The following PITPNM3 variants were observed in gnomAD, a reference collection of about 807,000 sequenced individuals.
PITPNM3 encodes PITPNM family member 3.
A neutral mutation model predicts 102.0 loss-of-function variants in PITPNM3; 26 were observed. The observed-to-expected ratio is 0.25, with a 90% confidence interval of 0.19 to 0.35. The LOEUF (loss-of-function observed/expected upper bound fraction) is 0.35, where lower values mean the gene tolerates loss of function less well. Among genes scored for constraint, PITPNM3 ranks in the 10% least tolerant of loss-of-function variants. The pLI, the probability that PITPNM3 is intolerant of heterozygous loss-of-function variation, is 1.00. For synonymous variants in PITPNM3, 578 were observed against 558.6 expected (o/e 1.03, Z -0.49); for missense variants, 1,083 against 1,346.1 (o/e 0.80, Z 3.06).
In PITPNM3 at chr17:6,517,290, GAGA is replaced by G. The variant is rs1448925059; in HGVS notation, c.226+8063_226+8065del. 6.6e-6 allele frequency among the ~76,000 whole-genome samples: 1 copy of G among 152,214 alleles called. No homozygotes were observed. The highest frequency in any genetic ancestry group is 1.5e-5 in the Non-Finnish European group (1 of 68,034). On this transcript the variant is annotated intron_variant, in intron 3 of 19. Coordinates refer to ENST00000262483, the MANE Select transcript of PITPNM3 (RefSeq NM_031220.4). This position sits in a 1 kb window ranked among gnomAD's most constrained non-coding sequence, Gnocchi z 4.1. The stretch of plus-strand genomic sequence containing the variant: ...TCAAAATACTTAACCCAAATAGAAT[GAGA>G]AGGAGGGGGAGGTGGCGGAGGAGTT...
chr17:6,475,668 A>C (rs983425096), intron 9 of PITPNM3, among the ~76,000 whole-genome samples: 2 of 152,166 alleles, frequency 1.3e-5, no homozygotes, highest in Non-Finnish European at 2.9e-5. Flanking sequence ...CCAACTACTT[A>C]ATTGCCAAAG....
chr17:6,464,615 A>T, intron 15 of PITPNM3, 40 bp downstream of exon 15: 1 of 1,562,036 alleles, frequency 6.4e-7, no homozygotes, highest in South Asian at 1.1e-5. Context: ...CACCTGGTGC[A>T]GGTGGAGTGG....
intron 4 of PITPNM3, among the ~76,000 whole-genome samples, chr17:6,502,536 C>A (rs1907248333): frequency 6.6e-6 from 1 of 152,184 alleles, no homozygotes; most frequent in South Asian, 2.1e-4. Context: ...CATAGGAAGG[C>A]TGGTGTCATA....
chr17:6,501,327 G>A (rs1235076777), intron 4 of PITPNM3, among the ~76,000 whole-genome samples: 2 of 152,140 alleles, frequency 1.3e-5, no homozygotes, highest in Non-Finnish European at 2.9e-5. Context: ...CGCTGGCCAG[G>A]AAGAGACTGC....
intron 18 of PITPNM3, 78 bp downstream of exon 18, chr17:6,461,292 GGGA>G: frequency 4.7e-6 from 7 of 1,503,066 alleles, no homozygotes; most frequent in Non-Finnish European, 6.4e-6. Flanking sequence ...GGCCCCACCC[GGGA>G]GGAGGGAGAT....
intron 3 of PITPNM3, among the ~76,000 whole-genome samples, chr17:6,512,004 G>C (rs773449059): frequency 6.6e-6 from 1 of 152,138 alleles, no homozygotes; most frequent in Non-Finnish European, 1.5e-5. Context: ...CAGGCTTATG[G>C]GTGAAAAATA....
At chr17:6,460,242 C>G (rs925487022) in intron 18 of PITPNM3, among the ~76,000 whole-genome samples, 1 of 152,214 alleles carries the variant, frequency 6.6e-6, no homozygotes, top group East Asian at 1.9e-4. Flanking sequence ...TGCCTCCGTG[C>G]CTTTGCACAT....
chr17:6,455,047 C>A lies in PITPNM3; in HGVS notation c.*291G>T. On this transcript the variant is annotated 3_prime_UTR_variant, in exon 20 of 20. Transcript: ENST00000262483. ...TTTGCCCAAACGCTTCAGCCCCGGG[C>A]AAGCCTGCCCCCAGGATGACACAAA... 2 of 467,602 alleles carry A rather than the reference C, an allele frequency of 4.3e-6. No homozygotes were observed. Among genetic ancestry groups the A allele is most frequent in the East Asian group, 7.4e-5 (2 of 27,170 alleles). 29.0% of individuals were successfully genotyped at this position (467,602 alleles called of 1,614,324 possible).
rs773798955 is a variant in PITPNM3, at chr17:6,477,218, G to A, written c.901-5C>T. ...CTCCACCGCGACTGGGGTGTCCTTT[G>A]GGACCGAACAGGGGACAGGAGAGAA... On this transcript the variant is annotated splice_polypyrimidine_tract_variant and splice_region_variant and intron_variant, in intron 8 of 19. Transcript: ENST00000262483. The A allele has an allele frequency of 1.2e-6, 2 of 1,613,898 alleles. No individual in the cohort carries two copies. The highest frequency in any genetic ancestry group is 1.1e-5 in the South Asian group (1 of 91,080).
At chr17:6,519,181 C>CAAAAAAAAAAAAAACA in intron 3 of PITPNM3, among the ~76,000 whole-genome samples, 1 of 72,404 alleles carries the variant, frequency 1.4e-5, no homozygotes, top group African/African-American at 5.9e-5. Context: ...ACTAAAAATA[C>CAAAAAAAAAAAAAACA]AAAAAATTAG....
At chr17:6,548,793 C>G (rs568463054) in intron 1 of PITPNM3, among the ~76,000 whole-genome samples, 1 of 152,122 alleles carries the variant, frequency 6.6e-6, no homozygotes, top group Non-Finnish European at 1.5e-5. Context: ...CAGGCAAACA[C>G]GGTGTCAGCA....
At chr17:6,545,408 A>AGGAGT (rs1909969719) in intron 1 of PITPNM3, among the ~76,000 whole-genome samples, 1 of 152,028 alleles carries the variant, frequency 6.6e-6, no homozygotes, top group Admixed American at 6.5e-5. Flanking sequence ...CACTCCCCAA[A>AGGAGT]GGCTGGAAAT....
chr17:6,527,274 T>G (rs1214299800), intron 2 of PITPNM3, among the ~76,000 whole-genome samples: 1 of 152,210 alleles, frequency 6.6e-6, no homozygotes, highest in East Asian at 1.9e-4. Context: ...AATTCTCATG[T>G]TAGATTGATT....
At chr17:6,533,234 T>C (rs1909236234) in intron 2 of PITPNM3, among the ~76,000 whole-genome samples, 1 of 152,158 alleles carries the variant, frequency 6.6e-6, no homozygotes, top group African/African-American at 2.4e-5. Context: ...AGTGCTGGGA[T>C]TACAGGCATG....
intron 4 of PITPNM3, among the ~76,000 whole-genome samples, chr17:6,493,055 TGACCAAGA>T (rs1222180395): frequency 6.6e-6 from 1 of 152,034 alleles, no homozygotes; most frequent in African/African-American, 2.4e-5. Context: ...TGGGATCACA[TGACCAAGA>T]GTAGGTCATG....
At position 6,464,724 on chromosome 17, in the gene PITPNM3, A is replaced by G. The variant is rs748237492; in HGVS notation, c.1938T>C (p.Asp646=). ...HRANDVIAAE[D]GPQVLVGRFM... ...ACCGCCCCACCAGGACCTGGGGGCCATCTTCAGCAGCAATCACATCATTGG... is the reference window on the plus strand; with the variant it reads ...ACCGCCCCACCAGGACCTGGGGGCCGTCTTCAGCAGCAATCACATCATTGG... The change falls in exon 15 of 20, where the codon GAT becomes GAC. Residue 646 remains aspartate, a synonymous_variant. Transcript: ENST00000262483. The G allele has an allele frequency of 2.5e-6, 4 of 1,614,210 alleles. No homozygotes were observed. The highest frequency in any genetic ancestry group is 1.1e-5 in the South Asian group (1 of 91,076).
rs771570797 is a variant in PITPNM3, at chr17:6,477,938, G to T, written c.900+37C>A. 17 of 1,607,700 alleles carry T rather than the reference G, an allele frequency of 1.1e-5. No homozygotes were observed. In the South Asian group the frequency reaches 1.9e-4, roughly 18 times the overall value. On this transcript the variant is annotated intron_variant, in intron 8 of 19. Coordinates refer to ENST00000262483, the MANE Select transcript of PITPNM3 (RefSeq NM_031220.4). ...CCGAGGGGCAGGCCCTGCTCCTATG[G>T]GCATACCCCTCCCGCGGTCCTGTCC...
In PITPNM3 at chr17:6,469,772, C is replaced by G. The variant is rs1413219798; in HGVS notation, c.1773+488G>C. On this transcript the variant is annotated intron_variant, in intron 13 of 19. Coordinates refer to ENST00000262483, the MANE Select transcript of PITPNM3 (RefSeq NM_031220.4). This position sits in a 1 kb window ranked among gnomAD's most constrained non-coding sequence, Gnocchi z 4.0. ...TTGCTATTTCTTCCTTGCTCACAGC[C>G]CTGCAATGGCTTCCCGTTGAACCCA... Among the ~76,000 whole-genome samples the G allele has an allele frequency of 6.6e-6, 1 of 152,160 alleles. No homozygotes were observed. The highest frequency in any genetic ancestry group is 2.4e-5 in the African/African-American group (1 of 41,432).
intron 1 of PITPNM3, among the ~76,000 whole-genome samples, chr17:6,548,463 C>T (rs1164651061): frequency 1.3e-5 from 2 of 152,044 alleles, no homozygotes; most frequent in East Asian, 3.9e-4. Context: ...TAGAGTTGCT[C>T]GGCTGGGACT....
Sources: gnomAD v4.1 joint callset for allele counts (sites outside exome capture counted in the v4.1 genomes callset) on GRCh38, gnomAD v4.1.1 for gene constraint, Gnocchi (gnomAD v3.1) non-coding constraint, MANE v1.5 for transcripts, NCBI Gene and HGNC (gene_info 2026-07-23, HGNC 2026-07-21) for gene names.